ARHGAP24: variants seen among roughly 807,000 people sequenced by gnomAD.
ARHGAP24 encodes rho GTPase-activating protein 24.
ARHGAP24 carries 50 observed loss-of-function variants against 76.4 expected under a neutral mutation model. The ratio of observed to expected loss-of-function variants is 0.65; its 90% CI spans 0.52 to 0.83. ARHGAP24 has a LOEUF of 0.83. Among genes scored for constraint, ARHGAP24 ranks in the 40% least tolerant of loss-of-function variants. The pLI, the probability that ARHGAP24 is intolerant of heterozygous loss-of-function variation, is 0.00. For synonymous variants in ARHGAP24, 345 were observed against 323.3 expected, an observed-to-expected ratio of 1.07 and a Z score of -0.72; for missense variants, 930 against 914.2, an observed-to-expected ratio of 1.02 and a Z score of -0.22.
intron 3 of ARHGAP24, among the ~76,000 whole-genome samples, chr4:85,818,768 A>G (rs1560649807): frequency 6.6e-6 from 1 of 152,236 alleles, no homozygotes; most frequent in Non-Finnish European, 1.5e-5. Context: ...TCTTCTCTAC[A>G]CTGGGTTCTC....
chr4:85,539,789 G>T (rs1305373883), intron 1 of ARHGAP24, among the ~76,000 whole-genome samples: 1 of 152,142 alleles, frequency 6.6e-6, no homozygotes, highest in East Asian at 1.9e-4. Context: ...GGAAAATAAT[G>T]ACTTTTAAAA....
chr4:85,555,465 T>C (rs1726320337), intron 1 of ARHGAP24, among the ~76,000 whole-genome samples: 1 of 152,228 alleles, frequency 6.6e-6, no homozygotes, highest in Admixed American at 6.5e-5. Flanking sequence ...AAGTAGGTGG[T>C]GCTTAAGCAT....
At chr4:85,923,549 T>C in intron 3 of ARHGAP24, 99 bp from the exon 4 acceptor site, 4 of 1,525,942 alleles carry the variant, frequency 2.6e-6, no homozygotes, top group Non-Finnish European at 3.6e-6. Flanking sequence ...TAGTGCGGGC[T>C]GTATTAGGCA....
At chr4:85,844,637 C>A (rs573230648) in intron 3 of ARHGAP24, among the ~76,000 whole-genome samples, 1 of 152,058 alleles carries the variant, frequency 6.6e-6, no homozygotes, top group Non-Finnish European at 1.5e-5. Context: ...CACTTTGCAC[C>A]TTTTCTGATA....
At chr4:85,621,869 G>T (rs1045501797) in intron 2 of ARHGAP24, among the ~76,000 whole-genome samples, 1 of 151,944 alleles carries the variant, frequency 6.6e-6, no homozygotes, top group African/African-American at 2.4e-5. Context: ...TTTTTCCTAC[G>T]AATTCTTTAA....
intron 3 of ARHGAP24, among the ~76,000 whole-genome samples, chr4:85,850,412 T>C (rs919002238): frequency 2.0e-4 from 30 of 152,198 alleles, no homozygotes; most frequent in South Asian, 2.1e-4. Context: ...CGTGGATTCA[T>C]TGATTTTTTT....
chr4:85,477,041 A>C (rs1722627500), intron 1 of ARHGAP24, among the ~76,000 whole-genome samples: 1 of 152,084 alleles, frequency 6.6e-6, no homozygotes, highest in African/African-American at 2.4e-5. Flanking sequence ...ATATTGACAA[A>C]ACTCTGAAAT....
intron 3 of ARHGAP24, chr4:85,827,857 G>T (rs1729798095): frequency 8.0e-7 from 1 of 1,243,972 alleles, no homozygotes; most frequent in Non-Finnish European, 1.1e-6. Flanking sequence ...AACACAGTAG[G>T]ACCTGAGTTG....
At chr4:85,493,781 AAGAACGT>A (rs1723451274) in intron 1 of ARHGAP24, among the ~76,000 whole-genome samples, 1 of 152,254 alleles carries the variant, frequency 6.6e-6, no homozygotes, top group Admixed American at 6.5e-5. Context: ...TTATTCACAA[AAGAACGT>A]ATCTCCTTTT....
At chr4:85,533,175 T>G (rs529872751) in intron 1 of ARHGAP24, among the ~76,000 whole-genome samples, 4 of 152,176 alleles carry the variant, frequency 2.6e-5, no homozygotes, top group Non-Finnish European at 5.9e-5. Context: ...GTCTGCAGGC[T>G]TATGGTGATA....
chr4:85,709,872 A>G (rs1395522543), intron 2 of ARHGAP24, among the ~76,000 whole-genome samples: 1 of 152,234 alleles, frequency 6.6e-6, no homozygotes, highest in Non-Finnish European at 1.5e-5. Context: ...GAGTTGATAC[A>G]AACAAATGGA....
At chr4:85,694,427 T>C (rs1204076424) in intron 2 of ARHGAP24, among the ~76,000 whole-genome samples, 2 of 152,160 alleles carry the variant, frequency 1.3e-5, no homozygotes, top group Non-Finnish European at 2.9e-5. Context: ...GAGTAGGACC[T>C]TTATCTGTCC....
intron 2 of ARHGAP24, among the ~76,000 whole-genome samples, chr4:85,663,609 G>A (rs1314801719): frequency 6.7e-6 from 1 of 149,178 alleles, no homozygotes. Flanking sequence ...TTTTCAAAGG[G>A]AATGCTTCCA....
intron 1 of ARHGAP24, among the ~76,000 whole-genome samples, chr4:85,567,053 A>G (rs1049551852): frequency 1.3e-5 from 2 of 152,080 alleles, no homozygotes; most frequent in African/African-American, 4.8e-5. Flanking sequence ...GTGGCATGAG[A>G]TTAGGTTAGA....
chr4:85,586,479 C>G (rs1727865420), intron 2 of ARHGAP24, among the ~76,000 whole-genome samples: 1 of 152,106 alleles, frequency 6.6e-6, no homozygotes, highest in Non-Finnish European at 1.5e-5. Flanking sequence ...TGGTGGTATG[C>G]TAATCCCTAT....
chr4:85,868,405 A>G (rs1732330787), intron 3 of ARHGAP24, among the ~76,000 whole-genome samples: 1 of 152,272 alleles, frequency 6.6e-6, no homozygotes, highest in Non-Finnish European at 1.5e-5. Flanking sequence ...CAGAATCAGG[A>G]AAAGATCTGG....
chr4:85,724,715 C>G (rs1030341412), intron 3 of ARHGAP24, among the ~76,000 whole-genome samples: 3 of 151,778 alleles, frequency 2.0e-5, no homozygotes, highest in Admixed American at 6.6e-5. Context: ...TTGTAAAAAC[C>G]TATCTGAAAA....
intron 2 of ARHGAP24, among the ~76,000 whole-genome samples, chr4:85,615,038 C>A (rs1039348350): frequency 2.0e-5 from 3 of 151,926 alleles, no homozygotes; most frequent in Admixed American, 6.6e-5. Context: ...AATATAATGT[C>A]TGACATTACA....
intron 2 of ARHGAP24, among the ~76,000 whole-genome samples, chr4:85,683,113 GGGGT>G (rs1428359696): frequency 5.8e-5 from 6 of 103,430 alleles, no homozygotes; most frequent in Admixed American, 3.0e-4. Flanking sequence ...AGTGTGTGGG[GGGGT>G]GGGGGGGGGG....
Sources: gnomAD v4.1 joint callset for allele counts (sites outside exome capture counted in the v4.1 genomes callset) on GRCh38, gnomAD v4.1.1 for gene constraint, MANE v1.5 for transcripts, NCBI Gene and HGNC (gene_info 2026-07-23, HGNC 2026-07-21) for gene names.